Variants in LYST observed in about 807,000 individuals in gnomAD.
The protein encoded by LYST is lysosomal-trafficking regulator.
LYST carries 192 observed loss-of-function variants against 413.6 expected under a neutral mutation model. The ratio of observed to expected loss-of-function variants is 0.46; its 90% CI spans 0.41 to 0.52. The LOEUF is 0.52. Among genes scored for constraint, LYST ranks in the 20% least tolerant of loss-of-function variants. LYST has a pLI of 0.00. For synonymous variants in LYST, 1,525 were observed against 1,567.3 expected (o/e 0.97, Z 0.64); for missense variants, 3,815 against 4,499.9 (o/e 0.85, Z 4.35).
intron 47 of LYST, 85 bp from the exon 48 acceptor site, chr1:235,687,132 A>C: frequency 6.3e-6 from 6 of 957,662 alleles, no homozygotes; most frequent in Admixed American, 2.0e-5. Flanking sequence ...AAGAATGAAA[A>C]ATACTTCTAC....
intron 50 of LYST, among the ~76,000 whole-genome samples, chr1:235,671,981 T>C (rs1280111006): frequency 6.6e-6 from 1 of 152,182 alleles, no homozygotes; most frequent in Non-Finnish European, 1.5e-5. Flanking sequence ...AGTTAGAAGT[T>C]AGATTCAGAC....
chr1:235,776,355 T>G (rs1483728468), intron 17 of LYST, among the ~76,000 whole-genome samples: 2 of 152,152 alleles, frequency 1.3e-5, no homozygotes, highest in Admixed American at 1.3e-4. Flanking sequence ...TTAAAGAAAG[T>G]TAGATAGGGA....
chr1:235,831,239 C>T (rs1675937832), intron 2 of LYST, among the ~76,000 whole-genome samples: 1 of 152,200 alleles, frequency 6.6e-6, no homozygotes, highest in African/African-American at 2.4e-5. Context: ...GGGAAGCCCT[C>T]CCCACAGTCC....
rs776726312 is a variant in LYST at position 235,702,940 on chromosome 1, G to A, written c.10181C>T (p.Pro3394Leu). 1.9e-6 allele frequency: 3 copies of A among 1,614,058 alleles called. No homozygotes were observed. The highest frequency in any genetic ancestry group is 2.5e-6 in the Non-Finnish European group (3 of 1,179,976). The change falls in exon 45 of 53, where the codon CCA becomes CTA. Residue 3394 changes from proline (P) to leucine (L), a missense_variant. This residue lies in a region of LYST where 866 missense variants were observed against 1,156.0 expected (regional missense o/e 0.75). Transcript: ENST00000389793. ...FGMDVSAVED[P>L]VQRRALETMI... ...GGTTTCTAGCGCTCGTCTCTGAACT[G>A]GATCTTCAACTGCAGAGACATCCAT...
intron 19 of LYST, among the ~76,000 whole-genome samples, 190 bp downstream of exon 19, chr1:235,773,652 T>TA (rs1338048432): frequency 6.6e-6 from 1 of 152,154 alleles, no homozygotes; most frequent in Non-Finnish European, 1.5e-5. Flanking sequence ...AACATTTGTT[T>TA]AAAGGGTACA....
At position 235,798,578 on chromosome 1, in the gene LYST, TAAAAAAAA is replaced by T. The variant is rs71174462; in HGVS notation, c.4006+1734_4006+1741del. Reference sequence around the variant, plus strand: ...TGGCGACAAGGGCAAAACCCTGTCATAAAAAAAAAAAAAAAAAAAAAAAAAAAAAAAAA... The same window carrying T: ...TGGCGACAAGGGCAAAACCCTGTCATAAAAAAAAAAAAAAAAAAAAAAAAA... On this transcript the variant is annotated intron_variant, in intron 10 of 52. Coordinates refer to ENST00000389793, the MANE Select transcript of LYST (RefSeq NM_000081.4). 1.4e-3 allele frequency among the ~76,000 whole-genome samples: 113 copies of T among 81,700 alleles called. 3 individuals carry two copies. The highest frequency in any genetic ancestry group is 4.6e-3 in the African/African-American group (102 of 22,084). The allele number at this position is 81,700 out of a possible 152,430, so 53.6% of individuals were successfully genotyped here. A position where few individuals can be genotyped will look rare whatever the true frequency, so the allele number is the denominator to read the frequency against.
chr1:235,677,235 TAC>T (rs1288117942), intron 49 of LYST, 47 bp from the exon 50 acceptor site: 1 of 1,372,274 alleles, frequency 7.3e-7, no homozygotes, highest in Admixed American at 1.7e-5. Flanking sequence ...TAAATATAAT[TAC>T]ATTCTCTTAT....
At chr1:235,725,639 AGT>A (rs773445406) in intron 38 of LYST, among the ~76,000 whole-genome samples, 15 of 152,160 alleles carry the variant, frequency 9.9e-5, no homozygotes, top group Non-Finnish European at 1.8e-4. Context: ...CATGCTTCCG[AGT>A]CATTCAGCAA....
chr1:235,730,552 T>C (rs1341096699), intron 36 of LYST, among the ~76,000 whole-genome samples: 1 of 148,998 alleles, frequency 6.7e-6, no homozygotes, highest in African/African-American at 2.5e-5. Context: ...TATGTGTATA[T>C]ATATACATAT....
At chr1:235,829,391 C>A (rs905423331) in intron 3 of LYST, 2 of 151,968 alleles carry the variant, frequency 1.3e-5, no homozygotes, top group Non-Finnish European at 2.9e-5. Flanking sequence ...TTAATGATGG[C>A]CAATTTTACA....
Position 235,774,905 on chromosome 1 carries a change from A to T in LYST, c.5634+8T>A, listed in dbSNP as rs764455726. 6.3e-7 allele frequency: 1 copy of T among 1,583,280 alleles called. No homozygotes were observed. Among genetic ancestry groups the T allele is most frequent in the South Asian group, 1.1e-5 (1 of 90,272 alleles). On this transcript the variant is annotated splice_region_variant and intron_variant, in intron 18 of 52. Transcript: ENST00000389793. The stretch of plus-strand genomic sequence containing the variant: ...GAAACTATAAGAATAAATTTTATGA[A>T]GACATACCTTCAAAATGTAAAACCC...
At chr1:235,769,759 G>T (rs1668476716) in intron 20 of LYST, among the ~76,000 whole-genome samples, 1 of 152,046 alleles carries the variant, frequency 6.6e-6, no homozygotes, top group Non-Finnish European at 1.5e-5. Flanking sequence ...GCTAATTCTA[G>T]CATATAAAAT....
At chr1:235,683,996 T>C (rs2103051090) in intron 48 of LYST, among the ~76,000 whole-genome samples, 1 of 152,356 alleles carries the variant, frequency 6.6e-6, no homozygotes, top group East Asian at 1.9e-4. Context: ...ATCTCATGAT[T>C]TGATTACCTA....
Position 235,806,012 on chromosome 1 carries a change from C to G in LYST, c.3124G>C (p.Ala1042Pro). 1 of 1,613,906 alleles carries G rather than the reference C, an allele frequency of 6.2e-7. No individual in the cohort carries two copies. Among genetic ancestry groups the G allele is most frequent in the Non-Finnish European group, 8.5e-7 (1 of 1,179,918 alleles). Residue 1042 changes from alanine (A) to proline (P), a missense_variant, in exon 6 of 53, where the codon GCT (alanine) becomes CCT (proline). Ala to Pro is a conservative substitution (Grantham distance 27). This residue lies in a region of LYST where 1,648 missense variants were observed against 1,810.3 expected (regional missense o/e 0.91). Transcript: ENST00000389793. ...RTMKEDLLSL[A>P]IKSDPIPSEL... ...GATGGTATGGGGTCACTTTTTATAG[C>G]CAAAGATAATAAATCTTCCTTCATA...
At chr1:235,852,484 G>A (rs757702125) in intron 1 of LYST, among the ~76,000 whole-genome samples, 10 of 152,090 alleles carry the variant, frequency 6.6e-5, no homozygotes, top group Non-Finnish European at 1.2e-4. Flanking sequence ...CCTTTTTCCC[G>A]GGGAAGTCTC....
In LYST at chr1:235,734,492, C is replaced by T. The variant is rs771914715; in HGVS notation, c.8526G>A (p.Met2842Ile). 1.2e-6 allele frequency: 2 copies of T among 1,613,302 alleles called. No homozygotes were observed. Among genetic ancestry groups the T allele is most frequent in the South Asian group, 2.2e-5 (2 of 91,050 alleles). Residue 2842 changes from methionine (M) to isoleucine (I), a missense_variant, in exon 32 of 53, where the codon ATG (methionine) becomes ATA (isoleucine). By Grantham distance (10) the Met-to-Ile change is conservative. Around this residue, in one of 4 missense-constraint regions of LYST, gnomAD observed 771 missense variants for 837.1 expected, o/e 0.92. Transcript: ENST00000389793. ...GGTTTCATTGACTCACCTCTTTGAT[C>T]ATTTTAATAAGGTCTGCTTTTGTTG... Reference protein sequence around the residue: ...SASTKADLIKMIKEEQKKYET... With the variant: ...SASTKADLIKIIKEEQKKYET...
intron 39 of LYST, among the ~76,000 whole-genome samples, chr1:235,722,098 A>C (rs1663420538): frequency 6.6e-6 from 1 of 152,226 alleles, no homozygotes; most frequent in African/African-American, 2.4e-5. Flanking sequence ...GGAGAAAAAC[A>C]TTCCAGGCAA....
At chr1:235,700,084 A>C (rs766858122) in intron 45 of LYST, among the ~76,000 whole-genome samples, 9 of 152,348 alleles carry the variant, frequency 5.9e-5, no homozygotes, top group African/African-American at 1.2e-4. Context: ...TACAAAAATT[A>C]ACTCAAGATG....
At chr1:235,707,246 C>T (rs1662062747) in intron 44 of LYST, among the ~76,000 whole-genome samples, 1 of 152,096 alleles carries the variant, frequency 6.6e-6, no homozygotes, top group Non-Finnish European at 1.5e-5. Context: ...CTTTTGCATC[C>T]CCAGCACCTA....
Sources: allele counts gnomAD v4.1 joint callset (sites outside exome capture counted in the v4.1 genomes callset), GRCh38; gene constraint gnomAD v4.1.1; regional missense constraint gnomAD v4.1.1; transcripts MANE v1.5; gene names NCBI Gene and HGNC (gene_info 2026-07-23, HGNC 2026-07-21).